PDE7B: variants seen among roughly 807,000 people sequenced by gnomAD.
PDE7B encodes 3',5'-cyclic-AMP phosphodiesterase 7B.
In PDE7B, 29 loss-of-function variants were observed where a neutral mutation model predicts 56.2. The observed-to-expected ratio is 0.52, with a 90% confidence interval of 0.38 to 0.70. The LOEUF (loss-of-function observed/expected upper bound fraction) is 0.70, where lower values mean the gene tolerates loss of function less well. Ranked by LOEUF, PDE7B falls within the 30% of genes least tolerant of loss-of-function variation. The pLI is 0.00. For missense variants in PDE7B, 490 were observed against 565.0 expected, an observed-to-expected ratio of 0.87 and a Z score of 1.35; for synonymous variants, 197 against 196.9, an observed-to-expected ratio of 1.00 and a Z score of 0.00.
At chr6:135,987,828 CACACACACACACAT>C (rs1020307923) in intron 2 of PDE7B, among the ~76,000 whole-genome samples, 6 of 150,600 alleles carry the variant, frequency 4.0e-5, no homozygotes, top group East Asian at 1.9e-4. Context: ...ATAATAAAGA[CACACACACACACAT>C]ACACACACAC....
intron 8 of PDE7B, among the ~76,000 whole-genome samples, chr6:136,160,761 C>G (rs144728841): frequency 5.3e-5 from 8 of 152,274 alleles, no homozygotes; most frequent in Middle Eastern, 3.4e-3. Context: ...TCACTTCCCA[C>G]CATTCCCCTC....
intron 10 of PDE7B, among the ~76,000 whole-genome samples, chr6:136,180,258 T>C (rs183312740): frequency 6.6e-6 from 1 of 152,348 alleles, no homozygotes; most frequent in African/African-American, 2.4e-5. Flanking sequence ...AGTCCCTGAA[T>C]GCCACAAGGA....
intron 1 of PDE7B, among the ~76,000 whole-genome samples, chr6:135,858,395 C>T (rs1014073431): frequency 3.9e-5 from 6 of 152,152 alleles, no homozygotes; most frequent in African/African-American, 1.4e-4. Flanking sequence ...TCAAGTGATC[C>T]ACCCGCCTTG....
intron 3 of PDE7B, among the ~76,000 whole-genome samples, chr6:136,110,711 C>T (rs1438075545): frequency 1.4e-5 from 2 of 138,634 alleles, no homozygotes; most frequent in Non-Finnish European, 3.1e-5. Context: ...GATTCTGCAA[C>T]ATTTTTTTTT....
chr6:135,980,341 G>A (rs1274094148), intron 2 of PDE7B, among the ~76,000 whole-genome samples: 1 of 152,126 alleles, frequency 6.6e-6, no homozygotes, highest in Non-Finnish European at 1.5e-5. Flanking sequence ...AAAAACCCTA[G>A]AAGAAAACCT....
chr6:136,183,898 A>C (rs560713), intron 11 of PDE7B, among the ~76,000 whole-genome samples: 115,614 of 151,974 alleles, frequency 0.76, 45,039 homozygotes, highest in African/African-American at 0.94. Context: ...GAAAACAAGA[A>C]CCCATGAATT....
At chr6:136,054,320 C>T (rs977473867) in intron 2 of PDE7B, among the ~76,000 whole-genome samples, 1 of 152,064 alleles carries the variant, frequency 6.6e-6, no homozygotes, top group Non-Finnish European at 1.5e-5. Flanking sequence ...GAATCGTTTC[C>T]CCATTTCTTG....
chr6:136,188,748 T>A lies in PDE7B; in HGVS notation c.1126+1632T>A, dbSNP rs535654041. On this transcript the variant is annotated intron_variant, in intron 12 of 12. Coordinates refer to ENST00000308191, the MANE Select transcript of PDE7B (RefSeq NM_018945.4). ...TGTCCTGATTTTCAGCTCAGGAAAA[T>A]GTGGTTACCATAGATACCTCTTTTA... Among the ~76,000 whole-genome samples, 3 of 152,142 alleles carry A rather than the reference T, an allele frequency of 2.0e-5. No individual in the cohort carries two copies. In the East Asian group the frequency reaches 5.8e-4, roughly 29 times the overall value.
chr6:135,984,687 A>G (rs1775347501), intron 2 of PDE7B, among the ~76,000 whole-genome samples: 1 of 152,172 alleles, frequency 6.6e-6, no homozygotes, highest in Non-Finnish European at 1.5e-5. Flanking sequence ...TTCTTACTGC[A>G]GTGGTTGCAA....
intron 2 of PDE7B, among the ~76,000 whole-genome samples, chr6:135,991,057 C>T (rs545151554): frequency 6.6e-6 from 1 of 152,314 alleles, no homozygotes; most frequent in East Asian, 1.9e-4. Context: ...GTTGCCATGG[C>T]ATTTGTAAAC....
At chr6:136,048,058 A>AGATG (rs1475885012) in intron 2 of PDE7B, among the ~76,000 whole-genome samples, 2 of 150,732 alleles carry the variant, frequency 1.3e-5, no homozygotes, top group African/African-American at 4.8e-5. Context: ...ATGTTGAGGT[A>AGATG]GATGGATGGA....
At chr6:136,063,768 C>T (rs933902488) in intron 2 of PDE7B, among the ~76,000 whole-genome samples, 20 of 152,192 alleles carry the variant, frequency 1.3e-4, no homozygotes, top group Middle Eastern at 3.2e-3. Context: ...TGAACGTTTA[C>T]TCAAAATTGT....
At chr6:135,951,263 G>A (rs1774694163) in intron 2 of PDE7B, among the ~76,000 whole-genome samples, 1 of 152,024 alleles carries the variant, frequency 6.6e-6, no homozygotes, top group South Asian at 2.1e-4. Flanking sequence ...AGTTCAAATT[G>A]GCCTCAGAAG....
Position 136,024,534 on chromosome 6 carries a change from C to T in PDE7B, c.82+77010C>T, listed in dbSNP as rs1171743051. ...ACCCTTGTCTCATGGCTGCTGGTTC[C>T]ACTGATGGCACCTAAGACTGAAGGG... On this transcript the variant is annotated intron_variant, in intron 2 of 12. Transcript: ENST00000308191. 3.9e-5 allele frequency among the ~76,000 whole-genome samples: 6 copies of T among 152,018 alleles called. No homozygotes were observed. In the East Asian group the frequency reaches 9.7e-4, roughly 25 times the overall value.
chr6:135,990,090 G>GT (rs949342245), intron 2 of PDE7B, among the ~76,000 whole-genome samples: 53 of 134,728 alleles, frequency 3.9e-4, no homozygotes, highest in African/African-American at 7.0e-4. Flanking sequence ...GATTTTTGGG[G>GT]TTTTTTTGTT....
intron 1 of PDE7B, among the ~76,000 whole-genome samples, chr6:135,870,530 T>C (rs1775358201): frequency 6.6e-6 from 1 of 151,182 alleles, no homozygotes; most frequent in Admixed American, 6.6e-5. Flanking sequence ...GAAATGTACA[T>C]TTCACAAGTA....
rs556401474 is a variant in PDE7B, at chr6:135,883,749, G to C, written c.21+31730G>C. ...AGAGACCTCATATTTCCAGGTCACT[G>C]AATGTCCTGCACTGACATCTAAAGC... On this transcript the variant is annotated intron_variant, in intron 1 of 12. Coordinates refer to ENST00000308191, the MANE Select transcript of PDE7B (RefSeq NM_018945.4). Among the ~76,000 whole-genome samples the C allele has an allele frequency of 2.6e-5, 4 of 152,302 alleles. No homozygotes were observed. The East Asian group carries it at 7.7e-4, about 29-fold the overall frequency.
chr6:136,180,428 C>T (rs1779044287), intron 10 of PDE7B, among the ~76,000 whole-genome samples: 1 of 152,206 alleles, frequency 6.6e-6, no homozygotes, highest in African/African-American at 2.4e-5. Flanking sequence ...TCTACTTCAA[C>T]ATGTACTGGT....
intron 2 of PDE7B, among the ~76,000 whole-genome samples, chr6:135,979,690 C>T (rs919091901): frequency 6.6e-6 from 1 of 152,120 alleles, no homozygotes; most frequent in Non-Finnish European, 1.5e-5. Context: ...AACTCCCGTT[C>T]ACAATTGCTT....
Sources: allele counts gnomAD v4.1 joint callset (sites outside exome capture counted in the v4.1 genomes callset), GRCh38; gene constraint gnomAD v4.1.1; transcripts MANE v1.5; gene names NCBI Gene and HGNC (gene_info 2026-07-23, HGNC 2026-07-21).